GRM5: variants seen among roughly 807,000 people sequenced by gnomAD.
The protein encoded by GRM5 is metabotropic glutamate receptor 5.
In GRM5, 19 loss-of-function variants were observed where a neutral mutation model predicts 83.1. That is an observed-to-expected ratio of 0.23 (90% confidence interval 0.16 to 0.34). The LOEUF is 0.34. Among genes scored for constraint, GRM5 ranks in the 10% least tolerant of loss-of-function variants. The pLI is 1.00. For missense variants in GRM5, 1,160 were observed against 1,588.3 expected (o/e 0.73, Z 4.58); for synonymous variants, 675 against 633.6 (o/e 1.07, Z -0.98).
chr11:88,806,258 GTC>G (rs1387750187), intron 3 of GRM5, among the ~76,000 whole-genome samples: 2 of 152,124 alleles, frequency 1.3e-5, no homozygotes, highest in African/African-American at 4.8e-5. Context: ...GCAAGAAAAT[GTC>G]TGTTTTTCTA....
intron 9 of GRM5, chr11:88,522,956 C>G (rs1473852361): frequency 1.3e-5 from 2 of 152,054 alleles, no homozygotes; most frequent in Admixed American, 6.6e-5. Context: ...GGACCTGACC[C>G]AAGGAAGCCT....
chr11:88,733,762 T>C (rs1208928868), intron 3 of GRM5, among the ~76,000 whole-genome samples: 1 of 152,056 alleles, frequency 6.6e-6, no homozygotes, highest in Non-Finnish European at 1.5e-5. Flanking sequence ...CGAGAACGTG[T>C]AAATTTTATT....
At chr11:88,898,646 C>A (rs1025458510) in intron 2 of GRM5, among the ~76,000 whole-genome samples, 1 of 152,010 alleles carries the variant, frequency 6.6e-6, no homozygotes, top group East Asian at 1.9e-4. Flanking sequence ...CACACACACA[C>A]ACACATAAAC....
chr11:88,922,014 C>A (rs1251047077), intron 2 of GRM5, among the ~76,000 whole-genome samples: 1 of 151,182 alleles, frequency 6.6e-6, no homozygotes, highest in Non-Finnish European at 1.5e-5. Flanking sequence ...AAAATAAAAT[C>A]CCAAGGAAAA....
At chr11:88,970,008 C>G (rs537995495) in intron 2 of GRM5, among the ~76,000 whole-genome samples, 18 of 152,196 alleles carry the variant, frequency 1.2e-4, no homozygotes, top group African/African-American at 4.1e-4. Context: ...TTCCAATACT[C>G]AAGTAGGTAT....
chr11:88,545,651 A>G (rs1942371468), intron 8 of GRM5, among the ~76,000 whole-genome samples: 1 of 152,116 alleles, frequency 6.6e-6, no homozygotes. Flanking sequence ...TCTTTTCTTT[A>G]TACGCAACAT....
chr11:88,808,053 T>C (rs935197834), intron 3 of GRM5, among the ~76,000 whole-genome samples: 2 of 151,476 alleles, frequency 1.3e-5, no homozygotes, highest in Admixed American at 6.6e-5. Flanking sequence ...ATAGGGTGTT[T>C]ACTGATTACT....
At chr11:88,686,651 G>C (rs1349962945) in intron 3 of GRM5, among the ~76,000 whole-genome samples, 1 of 152,000 alleles carries the variant, frequency 6.6e-6, no homozygotes, top group African/African-American at 2.4e-5. Flanking sequence ...GAATCAAGGG[G>C]GACCTTTCCC....
intron 8 of GRM5, among the ~76,000 whole-genome samples, chr11:88,541,383 T>C (rs927106070): frequency 1.3e-5 from 2 of 152,216 alleles, no homozygotes; most frequent in African/African-American, 4.8e-5. Context: ...AGCTAATGCA[T>C]GAAGTTAAGT....
At chr11:89,014,093 T>G (rs1335711682) in intron 2 of GRM5, among the ~76,000 whole-genome samples, 1 of 152,196 alleles carries the variant, frequency 6.6e-6, no homozygotes, top group Non-Finnish European at 1.5e-5. Flanking sequence ...CATTATCATA[T>G]GCACACATAC....
intron 7 of GRM5, 143 bp from the exon 8 acceptor site, chr11:88,568,135 T>C: frequency 1.7e-6 from 1 of 605,162 alleles, no homozygotes; most frequent in Non-Finnish European, 2.9e-6. Context: ...TGCTACTTAT[T>C]GTTTCATGTA....
chr11:88,794,484 T>A (rs1943237319), intron 3 of GRM5, among the ~76,000 whole-genome samples: 1 of 152,152 alleles, frequency 6.6e-6, no homozygotes, highest in Non-Finnish European at 1.5e-5. Flanking sequence ...ATTATGTGTT[T>A]TTATTTTTTA....
intron 3 of GRM5, among the ~76,000 whole-genome samples, chr11:88,665,479 C>G (rs1940019853): frequency 6.6e-6 from 1 of 152,128 alleles, no homozygotes; most frequent in Non-Finnish European, 1.5e-5. Flanking sequence ...ACTCAGAAAC[C>G]TATTGTGAAC....
chr11:88,589,898 G>A (rs182793524), intron 7 of GRM5, among the ~76,000 whole-genome samples: 32 of 152,138 alleles, frequency 2.1e-4, no homozygotes, highest in Admixed American at 1.6e-3. Context: ...GCACATGAGT[G>A]CATTTAATAA....
chr11:88,603,210 A>G (rs1282629958), intron 5 of GRM5, among the ~76,000 whole-genome samples: 1 of 152,256 alleles, frequency 6.6e-6, no homozygotes, highest in African/African-American at 2.4e-5. Context: ...ATGTTCTGCC[A>G]GATCCATCAA....
At chr11:89,024,072 T>G (rs1213312199) in intron 2 of GRM5, among the ~76,000 whole-genome samples, 1 of 151,314 alleles carries the variant, frequency 6.6e-6, no homozygotes, top group East Asian at 2.0e-4. Context: ...AAAAATTAGT[T>G]GGGCGTGGTG....
At chr11:88,591,847 T>C (rs560202644) in intron 6 of GRM5, among the ~76,000 whole-genome samples, 1 of 152,352 alleles carries the variant, frequency 6.6e-6, no homozygotes, top group East Asian at 1.9e-4. Context: ...CTGATTAAAG[T>C]ATTCTTCATA....
intron 2 of GRM5, among the ~76,000 whole-genome samples, chr11:88,863,718 AT>A (rs34741020): frequency 0.46 from 70,245 of 151,754 alleles, 16,606 homozygotes; most frequent in East Asian, 0.63. Context: ...TTTAACTTTT[AT>A]TTTTTTATAG....
chr11:88,946,002 A>G (rs1938271899), intron 2 of GRM5, among the ~76,000 whole-genome samples: 1 of 152,128 alleles, frequency 6.6e-6, no homozygotes, highest in South Asian at 2.1e-4. Flanking sequence ...ACAAAAGTCT[A>G]GTATCCAGAA....
Sources: allele counts gnomAD v4.1 joint callset (sites outside exome capture counted in the v4.1 genomes callset), GRCh38; gene constraint gnomAD v4.1.1; transcripts MANE v1.5; gene names NCBI Gene and HGNC (gene_info 2026-07-23, HGNC 2026-07-21).